The following TJP2 variants were observed in gnomAD, a reference collection of about 807,000 sequenced individuals.
The protein encoded by TJP2 is tight junction protein 2.
Under a neutral mutation model 133.1 loss-of-function variants are expected in TJP2, and 91 were observed. The observed-to-expected ratio is 0.68, with a 90% confidence interval of 0.58 to 0.81. TJP2 has a LOEUF of 0.81. Ranked by LOEUF, TJP2 falls within the 40% of genes least tolerant of loss-of-function variation. The pLI, the probability that TJP2 is intolerant of heterozygous loss-of-function variation, is 0.00. For synonymous variants in TJP2, 592 were observed against 583.4 expected (o/e 1.01, Z -0.21); for missense variants, 1,541 against 1,565.6 (o/e 0.98, Z 0.26).
chr9:69,207,978 C>CCA (rs1267216683), intron 1 of TJP2, among the ~76,000 whole-genome samples: 1 of 152,134 alleles, frequency 6.6e-6, no homozygotes, highest in African/African-American at 2.4e-5. Context: ...GGTAAGCTGC[C>CCA]CAAGGGCTTT....
intron 1 of TJP2, among the ~76,000 whole-genome samples, chr9:69,146,183 A>C (rs1177555276): frequency 1.3e-5 from 2 of 152,218 alleles, no homozygotes; most frequent in Admixed American, 1.3e-4. Flanking sequence ...TCAACAATAC[A>C]AGTGTTTTTC....
At chr9:69,146,938 A>G (rs1300655823) in intron 1 of TJP2, among the ~76,000 whole-genome samples, 1 of 152,238 alleles carries the variant, frequency 6.6e-6, no homozygotes, top group East Asian at 1.9e-4. Flanking sequence ...ATTAGAAAAA[A>G]ATAAATATTT....
chr9:69,165,661 C>G (rs1824311318), intron 2 of TJP2, among the ~76,000 whole-genome samples: 1 of 152,116 alleles, frequency 6.6e-6, no homozygotes, highest in South Asian at 2.1e-4. Flanking sequence ...CAAGGGGTCT[C>G]TATCCCCGAA....
chr9:69,126,356 G>A (rs1822295420), intron 1 of TJP2, among the ~76,000 whole-genome samples: 1 of 76,830 alleles, frequency 1.3e-5, no homozygotes, highest in African/African-American at 4.0e-5. Flanking sequence ...ACTTGAATGG[G>A]GTCTTAGGTT....
intron 1 of TJP2, among the ~76,000 whole-genome samples, chr9:69,185,314 G>C (rs1825787144): frequency 1.3e-5 from 2 of 152,240 alleles, no homozygotes; most frequent in East Asian, 3.9e-4. Flanking sequence ...TGCCTGCCTT[G>C]GCCTCCCAAA....
intron 1 of TJP2, among the ~76,000 whole-genome samples, chr9:69,191,451 A>T (rs1486444093): frequency 6.6e-6 from 1 of 152,230 alleles, no homozygotes; most frequent in East Asian, 1.9e-4. Context: ...CTTCAGAGTA[A>T]CAATAAAGTG....
Position 69,136,357 on chromosome 9 carries a change from G to GA in TJP2, c.-131+14639dup, listed in dbSNP as rs888240502. ...GACATAGTGAGACTTCATCTCTACT[G>GA]AAAAAAATGAATAAATAATGAGCTG... On this transcript the variant is annotated intron_variant, in intron 1 of 5. Coordinates refer to the TJP2 transcript ENST00000423935. Among the ~76,000 whole-genome samples the GA allele has an allele frequency of 1.1e-3, 160 of 152,070 alleles. 1 individual carries two copies. Among genetic ancestry groups the GA allele is most frequent in the African/African-American group, 3.6e-3 (151 of 41,496 alleles).
chr9:69,202,360 G>A (rs1197595952), intron 1 of TJP2, among the ~76,000 whole-genome samples: 1 of 152,106 alleles, frequency 6.6e-6, no homozygotes, highest in Non-Finnish European at 1.5e-5. Context: ...ACTGTATTGG[G>A]TCTTAGGTTC....
At chr9:69,244,185 A>G (rs939568090) in intron 17 of TJP2, among the ~76,000 whole-genome samples, 11 of 114,682 alleles carry the variant, frequency 9.6e-5, no homozygotes, top group Admixed American at 2.5e-4. Flanking sequence ...CTGTCTCAGG[A>G]AAAAAAAAAA....
At chr9:69,247,309 C>T (rs1443598632) in intron 18 of TJP2, among the ~76,000 whole-genome samples, 1 of 152,202 alleles carries the variant, frequency 6.6e-6, no homozygotes, top group African/African-American at 2.4e-5. Context: ...TCGCTTCTCC[C>T]TCGGGGAGAT....
chr9:69,240,635 C>G (rs1014883926), intron 17 of TJP2, among the ~76,000 whole-genome samples: 3 of 152,068 alleles, frequency 2.0e-5, no homozygotes, highest in Non-Finnish European at 4.4e-5. Flanking sequence ...GGTTGGAGAC[C>G]AGCCTGAGCA....
At position 69,251,283 on chromosome 9, in the gene TJP2, CAA is replaced by C; in HGVS notation, c.3242_3243del (p.Lys1081SerfsTer5). 14 of 1,614,160 alleles carry C rather than the reference CAA, an allele frequency of 8.7e-6. No individual in the cohort carries two copies. Among genetic ancestry groups the C allele is most frequent in the Non-Finnish European group, 1.1e-5 (13 of 1,180,032 alleles). On this transcript the variant is annotated frameshift_variant, in exon 21 of 23. Transcript: ENST00000377245. LOFTEE classifies it high-confidence loss of function. ...ATAATGCTCCCAAATCAGTCCTGGG[CAA>C]AGTCAAAATATTTGAGAAGATGGAT... ...QDNAPKSVLG[K>X]VKIFEKMDHK...
chr9:69,141,367 G>C (rs4567104), intron 1 of TJP2, among the ~76,000 whole-genome samples: 138,473 of 152,210 alleles, frequency 0.91, 63,122 homozygotes, highest in East Asian at 1. Context: ...CTGCTCCCCC[G>C]AGCAGGACCC....
intron 2 of TJP2, 67 bp from the exon 3 acceptor site, chr9:69,216,272 T>G: frequency 6.3e-7 from 1 of 1,592,704 alleles, no homozygotes; most frequent in Non-Finnish European, 8.6e-7. Flanking sequence ...TTTTATTGAG[T>G]GCTTGTAATA....
intron 2 of TJP2, among the ~76,000 whole-genome samples, chr9:69,214,361 C>T (rs533098739): frequency 1.3e-5 from 2 of 152,272 alleles, no homozygotes; most frequent in South Asian, 4.1e-4. Flanking sequence ...GCTGGGATTA[C>T]AGGTGTGAGC....
chr9:69,176,125 C>T lies in TJP2; in HGVS notation c.60+1693C>T, dbSNP rs567183030. 2.6e-5 allele frequency among the ~76,000 whole-genome samples: 4 copies of T among 152,290 alleles called. No individual in the cohort carries two copies. The East Asian group carries it at 7.7e-4, about 29-fold the overall frequency. On this transcript the variant is annotated intron_variant, in intron 1 of 22. Transcript: ENST00000377245. ...CACACTCTGCAATACAGAAATTTAG[C>T]AAAGAGTGGGATTGGTCCTATATGC... is the stretch of plus-strand genomic sequence containing the variant.
chr9:69,178,885 A>G (rs1825285660), intron 1 of TJP2, among the ~76,000 whole-genome samples: 1 of 152,216 alleles, frequency 6.6e-6, no homozygotes, highest in Non-Finnish European at 1.5e-5. Context: ...ATTGCCGAAG[A>G]ATGTGGACAG....
At chr9:69,149,358 T>G (rs558140121) in intron 1 of TJP2, among the ~76,000 whole-genome samples, 1 of 152,338 alleles carries the variant, frequency 6.6e-6, no homozygotes, top group South Asian at 2.1e-4. Context: ...TGTAAGCCAT[T>G]TATTTATCTT....
chr9:69,190,112 AAAAC>A (rs147777421), intron 1 of TJP2, among the ~76,000 whole-genome samples: 2,464 of 151,760 alleles, frequency 0.016, 73 homozygotes, highest in African/African-American at 0.055. Context: ...TCTGTCTCAA[AAAAC>A]AAACAAACAA....
Sources: gnomAD v4.1 joint callset for allele counts (sites outside exome capture counted in the v4.1 genomes callset) on GRCh38, gnomAD v4.1.1 for gene constraint, MANE v1.5 for transcripts, NCBI Gene and HGNC (gene_info 2026-07-23, HGNC 2026-07-21) for gene names.